The following STPG2 variants were observed in gnomAD, a reference collection of about 807,000 sequenced individuals.
STPG2 encodes the protein sperm-tail PG-rich repeat-containing protein 2.
In STPG2, 56 loss-of-function variants were observed where a neutral mutation model predicts 54.2. That is an observed-to-expected ratio of 1.03 (90% CI 0.83 to 1.29). The LOEUF (loss-of-function observed/expected upper bound fraction) is 1.29, where lower values mean the gene tolerates loss of function less well. Among genes scored for constraint, STPG2 ranks in the 50% most tolerant of loss-of-function variants. The probability of loss-of-function intolerance (pLI) is 0.00; values close to 1 mark genes in which losing one functional copy is unlikely to be tolerated. For missense variants in STPG2, 596 were observed against 544.9 expected, an observed-to-expected ratio of 1.09 and a Z score of -0.93; for synonymous variants, 200 against 181.8, an observed-to-expected ratio of 1.10 and a Z score of -0.81.
intron 8 of STPG2, among the ~76,000 whole-genome samples, chr4:97,893,709 T>C (rs1730852749): frequency 6.6e-6 from 1 of 152,060 alleles, no homozygotes; most frequent in Non-Finnish European, 1.5e-5. Context: ...GTAAATTAAA[T>C]TACCTTTCAT....
chr4:97,484,154 T>A (rs967073202), intron 4 of STPG2, among the ~76,000 whole-genome samples: 17 of 151,116 alleles, frequency 1.1e-4, no homozygotes, highest in African/African-American at 4.1e-4. Flanking sequence ...AGGTCATACA[T>A]CAAAGAACTA....
intron 10 of STPG2, among the ~76,000 whole-genome samples, chr4:97,590,642 C>CAGACACAG (rs58318234): frequency 6.8e-6 from 1 of 146,680 alleles, no homozygotes; most frequent in African/African-American, 2.6e-5. Context: ...CACACAGACA[C>CAGACACAG]ACACACACAC....
At chr4:97,648,702 G>T (rs1055886316) in intron 10 of STPG2, among the ~76,000 whole-genome samples, 2 of 152,114 alleles carry the variant, frequency 1.3e-5, no homozygotes, top group South Asian at 2.1e-4. Flanking sequence ...AAAATTAAGG[G>T]TAATAATGTC....
chr4:97,962,313 A>G (rs1465638101), intron 7 of STPG2, among the ~76,000 whole-genome samples: 2 of 152,158 alleles, frequency 1.3e-5, no homozygotes, highest in African/African-American at 4.8e-5. Context: ...TAAAGAATTT[A>G]TTCATGTGAC....
intron 9 of STPG2, among the ~76,000 whole-genome samples, chr4:97,754,069 T>C (rs1413613204): frequency 5.3e-5 from 8 of 152,078 alleles, no homozygotes; most frequent in Non-Finnish European, 1.2e-4. Context: ...CTATAGTGTT[T>C]TCTTCTAATA....
intron 10 of STPG2, among the ~76,000 whole-genome samples, chr4:97,561,097 T>G (rs536344142): frequency 1.3e-5 from 2 of 152,148 alleles, no homozygotes; most frequent in Admixed American, 1.3e-4. Flanking sequence ...TTTCTCCACA[T>G]CCTCTCCAGC....
At chr4:97,735,381 T>C (rs1187084406) in intron 9 of STPG2, among the ~76,000 whole-genome samples, 2 of 151,254 alleles carry the variant, frequency 1.3e-5, no homozygotes, top group Non-Finnish European at 2.9e-5. Flanking sequence ...AGTGATACAA[T>C]GTACTTTAGA....
Position 97,985,372 on chromosome 4 carries a change from T to G in STPG2, c.613-4054A>C, listed in dbSNP as rs1734799168. The stretch of plus-strand genomic sequence containing the variant: ...TCAGAATGTATTTAAATTCCTCAGA[T>G]GTTTTTAATATGCATCCAGGGGTAA... On this transcript the variant is annotated intron_variant, in intron 5 of 10. Transcript: ENST00000295268. Among the ~76,000 whole-genome samples the G allele has an allele frequency of 2.6e-5, 4 of 152,204 alleles. No individual in the cohort carries two copies. In the South Asian group the frequency reaches 8.3e-4, roughly 31 times the overall value.
intron 5 of STPG2, among the ~76,000 whole-genome samples, chr4:98,082,219 A>G (rs1374884773): frequency 6.6e-6 from 1 of 152,004 alleles, no homozygotes; most frequent in Non-Finnish European, 1.5e-5. Flanking sequence ...ACCTTATGAC[A>G]GCGCTCAAGC....
intron 9 of STPG2, among the ~76,000 whole-genome samples, chr4:97,784,800 T>C (rs1028235267): frequency 6.6e-6 from 1 of 152,048 alleles, no homozygotes; most frequent in African/African-American, 2.4e-5. Context: ...GAGAACTATA[T>C]AATGAGTTAA....
intron 4 of STPG2, among the ~76,000 whole-genome samples, chr4:97,547,062 A>C (rs2148865327): frequency 6.6e-6 from 1 of 152,338 alleles, no homozygotes; most frequent in Admixed American, 6.5e-5. Context: ...AAGAGCTAGA[A>C]GCAGTTGCAT....
At chr4:97,478,458 A>G (rs1730132017) in intron 4 of STPG2, among the ~76,000 whole-genome samples, 2 of 152,162 alleles carry the variant, frequency 1.3e-5, no homozygotes, top group African/African-American at 4.8e-5. Flanking sequence ...AAAATTAATA[A>G]TAGACGATCA....
rs188449821 is a variant in STPG2, at chr4:97,721,057, A to G, written c.1205-8243T>C. 4.4e-4 allele frequency among the ~76,000 whole-genome samples: 67 copies of G among 152,144 alleles called. 1 individual carries two copies. The highest frequency in any genetic ancestry group is 9.1e-4 in the Non-Finnish European group (62 of 67,914). Reference sequence around the variant, plus strand: ...CAGATTTAAATACAGTGCCTTAACCATTTCTTTCAGGATTATACTTTTGCC... The same window carrying G: ...CAGATTTAAATACAGTGCCTTAACCGTTTCTTTCAGGATTATACTTTTGCC... On this transcript the variant is annotated intron_variant, in intron 9 of 10. Coordinates refer to ENST00000295268, the MANE Select transcript of STPG2 (RefSeq NM_174952.3).
chr4:97,906,386 C>T (rs1363956675), intron 8 of STPG2, among the ~76,000 whole-genome samples: 2 of 152,150 alleles, frequency 1.3e-5, no homozygotes, highest in Non-Finnish European at 2.9e-5. Context: ...AGCTTACCAA[C>T]CAAAAAGAGT....
chr4:97,550,414 T>C (rs570257833), intron 4 of STPG2, among the ~76,000 whole-genome samples: 75 of 152,228 alleles, frequency 4.9e-4, no homozygotes, highest in Admixed American at 4.8e-3. Flanking sequence ...ATTATAATCT[T>C]GTAAGTAAAT....
chr4:97,454,545 A>G (rs1167163659), intron 4 of STPG2, among the ~76,000 whole-genome samples: 3 of 122,416 alleles, frequency 2.5e-5, no homozygotes, highest in African/African-American at 1.7e-4. Context: ...AAAAAAAAAA[A>G]AAAAAAAAAA....
intron 3 of STPG2, among the ~76,000 whole-genome samples, chr4:98,127,278 AT>A (rs1739857684): frequency 6.6e-6 from 1 of 152,196 alleles, no homozygotes; most frequent in East Asian, 1.9e-4. Flanking sequence ...ATAGGTATCC[AT>A]TACTATTTTC....
At chr4:97,856,475 G>T (rs1039630096) in intron 8 of STPG2, among the ~76,000 whole-genome samples, 1 of 152,156 alleles carries the variant, frequency 6.6e-6, no homozygotes, top group Non-Finnish European at 1.5e-5. Flanking sequence ...TGTTGTTGGT[G>T]TATAGGAATG....
chr4:98,002,550 T>C (rs180679288), intron 5 of STPG2, among the ~76,000 whole-genome samples: 40 of 152,120 alleles, frequency 2.6e-4, no homozygotes, highest in Non-Finnish European at 5.9e-5. Context: ...ATTCATCTTA[T>C]TAAAATGAAG....
Sources: allele counts gnomAD v4.1 joint callset (sites outside exome capture counted in the v4.1 genomes callset), GRCh38; gene constraint gnomAD v4.1.1; transcripts MANE v1.5; gene names NCBI Gene and HGNC (gene_info 2026-07-23, HGNC 2026-07-21).